Variants in RLF observed in about 807,000 individuals in gnomAD.
RLF encodes zinc finger protein Rlf.
RLF carries 7 observed loss-of-function variants against 162.9 expected under a neutral mutation model. The observed-to-expected ratio is 0.04, with a 90% confidence interval of 0.02 to 0.08. The LOEUF is 0.08. RLF is among the 10% of genes least tolerant of loss of function. The pLI, the probability that RLF is intolerant of heterozygous loss-of-function variation, is 1.00. For synonymous variants in RLF, 782 were observed against 791.5 expected, an observed-to-expected ratio of 0.99 and a Z score of 0.20; for missense variants, 1,664 against 2,244.7, an observed-to-expected ratio of 0.74 and a Z score of 5.23.
intron 5 of RLF, among the ~76,000 whole-genome samples, chr1:40,208,759 G>C (rs1286613470): frequency 1.3e-5 from 2 of 152,214 alleles, no homozygotes; most frequent in Admixed American, 6.5e-5. Context: ...GCAGGTTGCA[G>C]TGAGCTGAGA....
chr1:40,237,673 A>G lies in RLF; in HGVS notation c.2971A>G (p.Lys991Glu), dbSNP rs1218445953. Reference protein sequence around the residue: ...YHFKPKKIKTKDLFPSLGNEH... With the variant: ...YHFKPKKIKTEDLFPSLGNEH... ...TTTCAAGCCCAAAAAGATAAAGACGAAAGATCTGTTTCCCTCTTTGGGTAA... is the reference window on the plus strand; with the variant it reads ...TTTCAAGCCCAAAAAGATAAAGACGGAAGATCTGTTTCCCTCTTTGGGTAA... Residue 991 changes from lysine (K) to glutamate (E), a missense_variant, in exon 8 of 8, where the codon AAA (lysine) becomes GAA (glutamate). Lys to Glu is a moderately conservative substitution (Grantham distance 56). Coordinates refer to ENST00000372771, the MANE Select transcript of RLF (RefSeq NM_012421.4). This position sits in a 1 kb window ranked among gnomAD's most constrained non-coding sequence, Gnocchi z 4.4. 1.2e-6 allele frequency: 2 copies of G among 1,614,190 alleles called. No individual in the cohort carries two copies. The highest frequency in any genetic ancestry group is 1.3e-5 in the African/African-American group (1 of 75,064).
At position 40,200,787 on chromosome 1, in the gene RLF, A is replaced by G. The variant is rs888272394; in HGVS notation, c.608-1625A>G. Among the ~76,000 whole-genome samples, 8 of 149,030 alleles carry G rather than the reference A, an allele frequency of 5.4e-5. No homozygotes were observed. The South Asian group carries it at 1.3e-3, about 24-fold the overall frequency. ...ATATGTTTTTCTTTATATTATTTTA[A>G]AGGATAATGTTACGATTGATTCTCA... On this transcript the variant is annotated intron_variant, in intron 4 of 7. Coordinates refer to ENST00000372771, the MANE Select transcript of RLF (RefSeq NM_012421.4).
intron 1 of RLF, among the ~76,000 whole-genome samples, chr1:40,171,786 T>G (rs2124525370): frequency 6.6e-6 from 1 of 152,250 alleles, no homozygotes; most frequent in East Asian, 1.9e-4. Flanking sequence ...TGCAAACAAC[T>G]CATGCATACA....
chr1:40,211,176 T>C (rs1272326257), intron 5 of RLF, among the ~76,000 whole-genome samples: 2 of 152,246 alleles, frequency 1.3e-5, no homozygotes, highest in Non-Finnish European at 2.9e-5. Flanking sequence ...AAATATTTGC[T>C]AACCTCTGCT....
intron 1 of RLF, among the ~76,000 whole-genome samples, chr1:40,181,106 T>C (rs974223152): frequency 4.6e-5 from 7 of 152,228 alleles, no homozygotes; most frequent in African/African-American, 1.7e-4. Context: ...TGTATGTGAA[T>C]ATTTGGTTTT....
chr1:40,165,810 G>A (rs1466293137), intron 1 of RLF, among the ~76,000 whole-genome samples: 2 of 151,912 alleles, frequency 1.3e-5, no homozygotes, highest in African/African-American at 4.8e-5. Flanking sequence ...GAAAGATAAA[G>A]TTCAAACTTA....
chr1:40,162,607 G>A (rs74374255), intron 1 of RLF, among the ~76,000 whole-genome samples: 11 of 152,260 alleles, frequency 7.2e-5, no homozygotes, highest in African/African-American at 2.4e-4. Flanking sequence ...AATAAATTGC[G>A]GCGTTCTAAA....
intron 3 of RLF, among the ~76,000 whole-genome samples, chr1:40,191,453 G>A (rs892354226): frequency 2.6e-5 from 4 of 151,472 alleles, no homozygotes; most frequent in Admixed American, 6.6e-5. Flanking sequence ...CAGGATAATC[G>A]CTTGAACCCA....
rs1193679808 is a variant in RLF, at chr1:40,236,730, A to G, written c.2028A>G (p.Thr676=). ...GAGATTTGTATCCATGTCCCGGTAC[A>G]GACTGTTCCCGTGTGTTTAAGCAAT... ...QDRDLYPCPG[T]DCSRVFKQFK... is the part of the protein sequence containing the mutation. Residue 676 remains threonine, a synonymous_variant, in exon 8 of 8, where the codon ACA becomes ACG. Transcript: ENST00000372771. This position sits in a 1 kb window ranked among gnomAD's most constrained non-coding sequence, Gnocchi z 7.7. 1 of 1,614,140 alleles carries G rather than the reference A, an allele frequency of 6.2e-7. No individual in the cohort carries two copies.
At chr1:40,185,559 T>C (rs1570526715) in intron 1 of RLF, among the ~76,000 whole-genome samples, 1 of 94,582 alleles carries the variant, frequency 1.1e-5, no homozygotes, top group Admixed American at 1.5e-4. Context: ...GCGCAGTGGC[T>C]CCCAGCACTT....
chr1:40,227,605 A>G (rs1643094864), intron 6 of RLF, among the ~76,000 whole-genome samples: 1 of 152,184 alleles, frequency 6.6e-6, no homozygotes, highest in African/African-American at 2.4e-5. Context: ...ATACACCATA[A>G]AATGCCCATT....
intron 5 of RLF, among the ~76,000 whole-genome samples, chr1:40,211,475 G>C (rs1159961808): frequency 6.6e-6 from 1 of 152,122 alleles, no homozygotes; most frequent in African/African-American, 2.4e-5. Flanking sequence ...TATACATATA[G>C]GTGTGATTTA....
chr1:40,234,248 C>A (rs992103959), intron 7 of RLF, among the ~76,000 whole-genome samples: 2 of 152,172 alleles, frequency 1.3e-5, no homozygotes, highest in African/African-American at 4.8e-5. Context: ...CTGTGCCCGG[C>A]CTAAATGCTT....
In RLF at chr1:40,239,696, C is replaced by G. The variant is rs1246316342; in HGVS notation, c.4994C>G (p.Thr1665Ser). 6.2e-7 allele frequency: 1 copy of G among 1,614,190 alleles called. No homozygotes were observed. The highest frequency in any genetic ancestry group is 1.1e-5 in the South Asian group (1 of 91,084). The change falls in exon 8 of 8, where the codon ACT (threonine) becomes AGT (serine). Residue 1665 changes from threonine to serine, a missense_variant. This residue lies in a region of RLF where 327 missense variants were observed against 342.7 expected (regional missense o/e 0.95). Transcript: ENST00000372771. The stretch of plus-strand genomic sequence containing the variant: ...AGCAGCTCAGTATTTGATGCAGATA[C>G]TCTGCTCTACAGGGGAACTTTGAAA... ...IESSSVFDAD[T>S]LLYRGTLKCN...
rs547780092 is a variant in RLF, at chr1:40,222,446, G to A, written c.811-128G>A. 1.1e-3 allele frequency: 824 copies of A among 719,300 alleles called. 1 individual carries two copies. Among genetic ancestry groups the A allele is most frequent in the Admixed American group, 2.2e-3 (80 of 35,824 alleles). The allele number at this position is 719,300 out of a possible 1,614,324, so 44.6% of individuals were successfully genotyped here. A position where few individuals can be genotyped will look rare whatever the true frequency, so the allele number is the denominator to read the frequency against. On this transcript the variant is annotated intron_variant, in intron 5 of 7. Coordinates refer to ENST00000372771, the MANE Select transcript of RLF (RefSeq NM_012421.4). Reference sequence around the variant, plus strand: ...CTTATGTGAAATATTCATGCAAGAAGACTCATTCATTAGCAGGAGAAAATT... The same window carrying A: ...CTTATGTGAAATATTCATGCAAGAAAACTCATTCATTAGCAGGAGAAAATT...
At chr1:40,165,968 A>G (rs954129507) in intron 1 of RLF, among the ~76,000 whole-genome samples, 7 of 151,854 alleles carry the variant, frequency 4.6e-5, no homozygotes, top group African/African-American at 9.7e-5. Context: ...TTCCCCATCT[A>G]CCTATTTATC....
intron 1 of RLF, among the ~76,000 whole-genome samples, chr1:40,185,179 G>T (rs1163719437): frequency 2.0e-5 from 3 of 152,022 alleles, no homozygotes; most frequent in Admixed American, 6.6e-5. Context: ...GAGCCTAGGA[G>T]TTTGAGGTTA....
In RLF at chr1:40,202,430, A is replaced by G. The variant is rs913064102; in HGVS notation, c.626A>G (p.Gln209Arg). The G allele has an allele frequency of 1.9e-6, 3 of 1,574,760 alleles. No individual in the cohort carries two copies. In the African/African-American group the frequency reaches 4.2e-5, roughly 22 times the overall value. ...ETEEVNKLIA[Q>R]EGPSFLQMRI... ...TTTCTAGTCAATAAATTGATTGCAC[A>G]AGAAGGACCTTCCTTTCTGCAAATG... is the stretch of plus-strand genomic sequence containing the variant. The change falls in exon 5 of 8, where the codon CAA (glutamine) becomes CGA (arginine). Residue 209 changes from glutamine (Q) to arginine (R), a missense_variant. Physicochemically the swap from Gln to Arg is conservative, Grantham distance 43. Transcript: ENST00000372771.
intron 5 of RLF, among the ~76,000 whole-genome samples, chr1:40,204,109 G>A (rs1271425799): frequency 2.0e-5 from 3 of 148,884 alleles, no homozygotes; most frequent in East Asian, 2.0e-4. Flanking sequence ...CTTTGCTCCT[G>A]GGTTCAAGCA....
Sources: gnomAD v4.1 joint callset for allele counts (sites outside exome capture counted in the v4.1 genomes callset) on GRCh38, gnomAD v4.1.1 for gene constraint, gnomAD v4.1.1 regional missense constraint, Gnocchi (gnomAD v3.1) non-coding constraint, MANE v1.5 for transcripts, NCBI Gene and HGNC (gene_info 2026-07-23, HGNC 2026-07-21) for gene names.